Variants in PLEKHA7 observed in about 807,000 individuals in gnomAD.
The protein encoded by PLEKHA7 is pleckstrin homology domain containing A7.
PLEKHA7 carries 104 observed loss-of-function variants against 170.0 expected under a neutral mutation model. The observed-to-expected ratio is 0.61, with a 90% CI of 0.52 to 0.72. The LOEUF (loss-of-function observed/expected upper bound fraction) is 0.72. PLEKHA7 is among the 30% of genes least tolerant of loss of function. The pLI is 0.00. For synonymous variants in PLEKHA7, 648 were observed against 660.8 expected (o/e 0.98, Z 0.30); for missense variants, 1,615 against 1,671.7 (o/e 0.97, Z 0.59).
chr11:16,854,702 T>C (rs544880660), intron 6 of PLEKHA7, among the ~76,000 whole-genome samples, 187 bp downstream of exon 6: 4 of 152,230 alleles, frequency 2.6e-5, no homozygotes, highest in East Asian at 1.9e-4. Flanking sequence ...CTGTAACCAT[T>C]GAGCAGACAG....
intron 17 of PLEKHA7, among the ~76,000 whole-genome samples, chr11:16,800,250 G>T (rs1334775966): frequency 6.6e-6 from 1 of 152,156 alleles, no homozygotes; most frequent in East Asian, 1.9e-4. Flanking sequence ...GTGAGGGTGG[G>T]GTGGAAACCT....
At chr11:16,893,578 C>A (rs116322968) in intron 3 of PLEKHA7, among the ~76,000 whole-genome samples, 4 of 152,282 alleles carry the variant, frequency 2.6e-5, no homozygotes, top group African/African-American at 4.8e-5. Context: ...CCCGCCCCCC[C>A]ACAAGGAAGA....
chr11:16,786,229 C>A lies in PLEKHA7; in HGVS notation c.3516G>T (p.Glu1172Asp), dbSNP rs1418452902. Residue 1172 changes from glutamate to aspartate, a missense_variant and splice_region_variant, in exon 24 of 27, where the codon GAG (glutamate) becomes GAT (aspartate). Glu to Asp is a conservative substitution (Grantham distance 45). Transcript: ENST00000531066. The part of the protein sequence containing the change: ...PQDYDLDISR[E>D]LSKPEKVSIP... ...ACATGAAGGAAGTGCCTGCCCTCAC[C>A]TCTCTGCTGATGTCCAAGTCATAGT... The A allele has an allele frequency of 6.5e-7, 1 of 1,536,100 alleles. No homozygotes were observed. Among genetic ancestry groups the A allele is most frequent in the Non-Finnish European group, 8.7e-7 (1 of 1,146,892 alleles).
At chr11:16,823,308 C>T (rs1850388143) in intron 10 of PLEKHA7, among the ~76,000 whole-genome samples, 1 of 152,118 alleles carries the variant, frequency 6.6e-6, no homozygotes, top group South Asian at 2.1e-4. Context: ...ACCTGGTCAA[C>T]CTAAGGAGCT....
At chr11:16,863,662 G>A (rs1287741411) in intron 4 of PLEKHA7, among the ~76,000 whole-genome samples, 2 of 152,110 alleles carry the variant, frequency 1.3e-5, no homozygotes, top group African/African-American at 4.8e-5. Context: ...GAGCTGCAGA[G>A]GCATTCGTCA....
intron 3 of PLEKHA7, among the ~76,000 whole-genome samples, chr11:16,909,829 G>A (rs938814831): frequency 3.0e-4 from 45 of 152,348 alleles, no homozygotes; most frequent in Admixed American, 2.5e-3. Flanking sequence ...TGCTGGCAAT[G>A]AGGGAAAATA....
chr11:16,882,388 C>T (rs1329964450), intron 3 of PLEKHA7, among the ~76,000 whole-genome samples: 1 of 152,296 alleles, frequency 6.6e-6, no homozygotes, highest in East Asian at 1.9e-4. Context: ...AAGCCTCCTC[C>T]AGGCCCCAGG....
In PLEKHA7 at chr11:16,892,435, T is replaced by TGTGTGTGTGTGTGTGTGTGTGTGTGTG. The variant is rs1554964897; in HGVS notation, c.222-21254_222-21253insCACACACACACACACACACACACACAC. ...GTGTGTGTGTGTGTGTGTGTGTGTG[T>TGTGTGTGTGTGTGTGTGTGTGTGTGTG]TTTGTTTTGTTTTGTTTTGTTTTGT... On this transcript the variant is annotated intron_variant, in intron 3 of 26. Coordinates refer to ENST00000531066, the MANE Select transcript of PLEKHA7 (RefSeq NM_001329630.2). Among the ~76,000 whole-genome samples the TGTGTGTGTGTGTGTGTGTGTGTGTGTG allele has an allele frequency of 4.9e-3, 479 of 97,960 alleles. 3 individuals carry two copies. The highest frequency in any genetic ancestry group is 7.0e-3 in the Non-Finnish European group (327 of 46,934). 64.3% of individuals were successfully genotyped at this position (97,960 alleles called of 152,430 possible). A position where few individuals can be genotyped will look rare whatever the true frequency, so the allele number is the denominator to read the frequency against.
At chr11:16,918,195 G>C (rs960986956) in intron 3 of PLEKHA7, among the ~76,000 whole-genome samples, 2 of 152,222 alleles carry the variant, frequency 1.3e-5, no homozygotes, top group African/African-American at 2.4e-5. Flanking sequence ...AGCAGGATAA[G>C]GGTTCTGTCA....
At chr11:16,861,343 G>C (rs1377191239) in intron 4 of PLEKHA7, among the ~76,000 whole-genome samples, 1 of 142,080 alleles carries the variant, frequency 7.0e-6, no homozygotes, top group South Asian at 2.4e-4. Context: ...CTGGTCTTGA[G>C]ACTCTGTCTC....
chr11:16,802,874 C>T, intron 15 of PLEKHA7, 98 bp downstream of exon 15: 3 of 1,030,784 alleles, frequency 2.9e-6, no homozygotes, highest in Non-Finnish European at 4.5e-6. Flanking sequence ...CTAACATCTG[C>T]TCTTCAATAC....
At chr11:16,907,119 T>G (rs1319008866) in intron 3 of PLEKHA7, among the ~76,000 whole-genome samples, 18 of 82,028 alleles carry the variant, frequency 2.2e-4, no homozygotes, top group African/African-American at 3.3e-4. Flanking sequence ...GAGGTGGGGG[T>G]CAGCCCCCCG....
At chr11:16,834,300 C>G (rs1019791223) in intron 9 of PLEKHA7, among the ~76,000 whole-genome samples, 10 of 152,152 alleles carry the variant, frequency 6.6e-5, no homozygotes, top group African/African-American at 2.4e-4. Context: ...GACACCATGC[C>G]TGGCCACCCT....
chr11:16,946,378 C>G (rs1314101686), intron 3 of PLEKHA7, among the ~76,000 whole-genome samples: 1 of 152,186 alleles, frequency 6.6e-6, no homozygotes, highest in Non-Finnish European at 1.5e-5. Flanking sequence ...CCCGAACGAA[C>G]GTGTGAAACC....
intron 3 of PLEKHA7, 34 bp downstream of exon 3, chr11:17,013,955 C>A: frequency 6.6e-7 from 1 of 1,522,842 alleles, no homozygotes; most frequent in Admixed American, 2.0e-5. Flanking sequence ...CCCCCCGCGG[C>A]ACAGGTGCGA....
chr11:16,857,170 C>T (rs1853532418), intron 4 of PLEKHA7, among the ~76,000 whole-genome samples: 1 of 152,190 alleles, frequency 6.6e-6, no homozygotes, highest in Non-Finnish European at 1.5e-5. Flanking sequence ...AGACAGAGCC[C>T]AATATCCTAC....
intron 12 of PLEKHA7, among the ~76,000 whole-genome samples, chr11:16,813,769 G>A (rs1356529389): frequency 6.6e-6 from 1 of 152,232 alleles, no homozygotes; most frequent in Non-Finnish European, 1.5e-5. Flanking sequence ...CATGTCAGGA[G>A]CTACCTGAGG....
chr11:16,914,345 G>A (rs539173435), intron 3 of PLEKHA7, among the ~76,000 whole-genome samples: 5 of 152,236 alleles, frequency 3.3e-5, no homozygotes, highest in South Asian at 4.1e-4. Context: ...CATCTGTGAC[G>A]TACCTCAGCG....
intron 3 of PLEKHA7, among the ~76,000 whole-genome samples, chr11:17,004,674 T>C (rs1023558877): frequency 1.3e-5 from 2 of 152,120 alleles, no homozygotes; most frequent in African/African-American, 4.8e-5. Flanking sequence ...ATTACAAGCA[T>C]GAGTCACCAT....
Sources: allele counts gnomAD v4.1 joint callset (sites outside exome capture counted in the v4.1 genomes callset), GRCh38; gene constraint gnomAD v4.1.1; transcripts MANE v1.5; gene names NCBI Gene and HGNC (gene_info 2026-07-23, HGNC 2026-07-21).